The following ASTN2 variants were observed in gnomAD, a reference collection of about 807,000 sequenced individuals.
ASTN2 encodes astrotactin 2.
In ASTN2, 54 loss-of-function variants were observed where a neutral mutation model predicts 139.8. That is an observed-to-expected ratio of 0.39 (90% CI 0.31 to 0.48). The LOEUF (loss-of-function observed/expected upper bound fraction) is 0.48. Ranked by LOEUF, ASTN2 falls within the 20% of genes least tolerant of loss-of-function variation. ASTN2 has a pLI of 0.95. For missense variants in ASTN2, 1,565 were observed against 1,725.1 expected (o/e 0.91, Z 1.64); for synonymous variants, 756 against 719.5 (o/e 1.05, Z -0.81).
At chr9:116,807,590 T>C (rs1278380508) in intron 12 of ASTN2, among the ~76,000 whole-genome samples, 1 of 152,196 alleles carries the variant, frequency 6.6e-6, no homozygotes, top group Non-Finnish European at 1.5e-5. Flanking sequence ...AAGTCCCTTT[T>C]AATACAGTTG....
At chr9:116,531,597 T>A (rs1034511983) in intron 19 of ASTN2, among the ~76,000 whole-genome samples, 3 of 148,354 alleles carry the variant, frequency 2.0e-5, no homozygotes, top group African/African-American at 4.9e-5. Context: ...TTCCCATCTA[T>A]GAGTGAGAAC....
intron 16 of ASTN2, among the ~76,000 whole-genome samples, chr9:116,673,933 G>GCTT (rs1398000448): frequency 6.6e-6 from 1 of 152,178 alleles, no homozygotes; most frequent in Non-Finnish European, 1.5e-5. Context: ...ACTCCATCTT[G>GCTT]CTTCTAACCT....
At chr9:117,099,542 C>T (rs1360396640) in intron 4 of ASTN2, among the ~76,000 whole-genome samples, 1 of 152,228 alleles carries the variant, frequency 6.6e-6, no homozygotes, top group East Asian at 1.9e-4. Flanking sequence ...AAAGCGAACA[C>T]TTGCATAGTG....
intron 4 of ASTN2, among the ~76,000 whole-genome samples, chr9:117,127,983 T>G (rs1254962846): frequency 6.6e-6 from 1 of 150,922 alleles, no homozygotes; most frequent in South Asian, 2.1e-4. Context: ...CCCGGCCGGG[T>G]TTTTTAAAGA....
intron 10 of ASTN2, among the ~76,000 whole-genome samples, chr9:116,954,913 G>A (rs1373479634): frequency 6.6e-6 from 1 of 152,218 alleles, no homozygotes; most frequent in African/African-American, 2.4e-5. Context: ...ACCTGGAGGT[G>A]AGCCCAGCAA....
At chr9:117,389,209 G>A (rs1241283618) in intron 1 of ASTN2, among the ~76,000 whole-genome samples, 2 of 152,192 alleles carry the variant, frequency 1.3e-5, no homozygotes, top group Non-Finnish European at 2.9e-5. Flanking sequence ...GTGGGCAAGA[G>A]GGGAGAAAGG....
chr9:117,243,647 A>C (rs1395020151), intron 2 of ASTN2, among the ~76,000 whole-genome samples: 1 of 152,138 alleles, frequency 6.6e-6, no homozygotes, highest in Non-Finnish European at 1.5e-5. Flanking sequence ...CGAAGAATTA[A>C]ATGAAGGTTG....
intron 3 of ASTN2, among the ~76,000 whole-genome samples, chr9:117,154,928 A>C (rs922570530): frequency 1.3e-5 from 2 of 152,012 alleles, no homozygotes; most frequent in Non-Finnish European, 2.9e-5. Context: ...CCATTACCTC[A>C]TATGCCACTC....
At chr9:116,753,926 C>T (rs1032541326) in intron 13 of ASTN2, among the ~76,000 whole-genome samples, 1 of 151,698 alleles carries the variant, frequency 6.6e-6, no homozygotes, top group African/African-American at 2.4e-5. Flanking sequence ...CATATTTCTC[C>T]TAACTCTAAC....
At chr9:116,608,272 A>G (rs1174579337) in intron 19 of ASTN2, among the ~76,000 whole-genome samples, 1 of 152,208 alleles carries the variant, frequency 6.6e-6, no homozygotes, top group African/African-American at 2.4e-5. Flanking sequence ...CATTCATCAG[A>G]GTACTGATTG....
intron 4 of ASTN2, among the ~76,000 whole-genome samples, chr9:117,096,526 CT>C (rs1333101305): frequency 1.3e-5 from 2 of 152,180 alleles, no homozygotes; most frequent in African/African-American, 2.4e-5. Flanking sequence ...GCTATTGTTG[CT>C]TTTGGTGATA....
At chr9:116,826,847 C>A (rs2132278364) in intron 11 of ASTN2, among the ~76,000 whole-genome samples, 1 of 152,284 alleles carries the variant, frequency 6.6e-6, no homozygotes, top group African/African-American at 2.4e-5. Context: ...ATTCAAGGTC[C>A]CAGCTTAACT....
chr9:117,239,784 C>T (rs1409602762), intron 2 of ASTN2, among the ~76,000 whole-genome samples: 1 of 152,190 alleles, frequency 6.6e-6, no homozygotes, highest in Non-Finnish European at 1.5e-5. Context: ...GGTGTTCATT[C>T]CATATGCCAG....
At chr9:116,517,154 A>G (rs1326246688) in intron 19 of ASTN2, among the ~76,000 whole-genome samples, 1 of 152,164 alleles carries the variant, frequency 6.6e-6, no homozygotes, top group Admixed American at 6.5e-5. Context: ...TCCCAATAGG[A>G]CCACAGCTGA....
chr9:116,770,270 T>A (rs967773830), intron 13 of ASTN2, among the ~76,000 whole-genome samples: 1 of 152,140 alleles, frequency 6.6e-6, no homozygotes, highest in African/African-American at 2.4e-5. Flanking sequence ...AGATGGCTAT[T>A]CCCAAGGTTG....
intron 2 of ASTN2, among the ~76,000 whole-genome samples, chr9:117,272,430 TC>T (rs910729173): frequency 6.6e-6 from 1 of 152,216 alleles, no homozygotes; most frequent in African/African-American, 2.4e-5. Flanking sequence ...GGAGATGTTT[TC>T]CCCATGGTCT....
intron 1 of ASTN2, among the ~76,000 whole-genome samples, chr9:117,377,385 GA>G (rs1458863495): frequency 1.3e-5 from 2 of 152,178 alleles, no homozygotes; most frequent in Non-Finnish European, 2.9e-5. Flanking sequence ...CTTGGGGCAG[GA>G]CCCGCCTCAC....
Position 116,497,199 on chromosome 9 carries a change from G to C in ASTN2, c.3356-9699C>G, listed in dbSNP as rs918659058. On this transcript the variant is annotated intron_variant, in intron 19 of 22. Coordinates refer to ENST00000313400, the MANE Select transcript of ASTN2 (RefSeq NM_001365068.1). ...GCTCACCACAGCTGCAGCTGAAATA[G>C]CCATGGGCCAAGAGGATATGGCATG... 5.3e-5 allele frequency among the ~76,000 whole-genome samples: 8 copies of C among 152,304 alleles called. No homozygotes were observed. In the South Asian group the frequency reaches 1.7e-3, roughly 32 times the overall value.
chr9:117,136,587 G>T (rs1588003638), intron 4 of ASTN2, among the ~76,000 whole-genome samples: 1 of 152,112 alleles, frequency 6.6e-6, no homozygotes, highest in Non-Finnish European at 1.5e-5. Flanking sequence ...GAGGAACATG[G>T]CCAAATTTAC....
Sources: gnomAD v4.1 joint callset for allele counts (sites outside exome capture counted in the v4.1 genomes callset) on GRCh38, gnomAD v4.1.1 for gene constraint, MANE v1.5 for transcripts, NCBI Gene and HGNC (gene_info 2026-07-23, HGNC 2026-07-21) for gene names.